ARHGEF28: variants seen among roughly 807,000 people sequenced by gnomAD.
The protein encoded by ARHGEF28 is 190 kDa guanine nucleotide exchange factor.
Under a neutral mutation model 206.6 loss-of-function variants are expected in ARHGEF28, and 152 were observed. The observed-to-expected ratio is 0.74, with a 90% CI of 0.64 to 0.84. The LOEUF (loss-of-function observed/expected upper bound fraction) is 0.84, where lower values mean the gene tolerates loss of function less well. ARHGEF28 is among the 40% of genes least tolerant of loss of function. The pLI is 0.00. For missense variants in ARHGEF28, 2,028 were observed against 2,073.2 expected (o/e 0.98, Z 0.42); for synonymous variants, 763 against 776.4 (o/e 0.98, Z 0.29).
Position 73,696,313 on chromosome 5 carries a change from G to A in ARHGEF28, c.33+11429G>A, listed in dbSNP as rs188908746. Among the ~76,000 whole-genome samples, 3 of 152,268 alleles carry A rather than the reference G, an allele frequency of 2.0e-5. No homozygotes were observed. The East Asian group carries it at 5.8e-4, about 29-fold the overall frequency. On this transcript the variant is annotated intron_variant, in intron 2 of 35. Transcript: ENST00000513042. ...ACTGCAGAAACCCTTTACGCCATAA[G>A]CTCCAGCCATACCCTTCTGCTCTCA... is the stretch of plus-strand genomic sequence containing the variant.
intron 18 of ARHGEF28, among the ~76,000 whole-genome samples, chr5:73,867,114 T>G (rs1283064397): frequency 6.6e-6 from 1 of 152,198 alleles, no homozygotes; most frequent in Non-Finnish European, 1.5e-5. Flanking sequence ...TTAGAATTGA[T>G]GAAATACCAC....
chr5:73,856,010 C>G (rs1759008859), intron 14 of ARHGEF28, among the ~76,000 whole-genome samples: 1 of 152,190 alleles, frequency 6.6e-6, no homozygotes, highest in African/African-American at 2.4e-5. Context: ...GTCTCCTCAT[C>G]ACTCTTCTCT....
chr5:73,900,957 G>C (rs896087923), intron 30 of ARHGEF28: 1 of 426,438 alleles, frequency 2.3e-6, no homozygotes, highest in East Asian at 4.3e-5. Context: ...GTGATACTTT[G>C]TGCGGTTCGT....
At chr5:73,732,824 G>T (rs1319713849) in intron 2 of ARHGEF28, among the ~76,000 whole-genome samples, 3 of 152,070 alleles carry the variant, frequency 2.0e-5, no homozygotes, top group African/African-American at 7.2e-5. Context: ...GTATATGAAA[G>T]CATAGCGGAA....
intron 2 of ARHGEF28, among the ~76,000 whole-genome samples, chr5:73,729,349 G>A (rs1580535354): frequency 6.6e-6 from 1 of 152,180 alleles, no homozygotes; most frequent in East Asian, 1.9e-4. Flanking sequence ...CTAATCATGA[G>A]GATGACCATG....
At chr5:73,776,475 T>A in intron 5 of ARHGEF28, 41 bp from the exon 6 acceptor site, 1 of 1,544,314 alleles carries the variant, frequency 6.5e-7, no homozygotes, top group Non-Finnish European at 8.8e-7. Flanking sequence ...GGGGCTGGTG[T>A]CTTTGAAGCT....
rs141739655 is a variant in ARHGEF28 at position 73,786,945 on chromosome 5, C to T, written c.910+6200C>T. Reference sequence around the variant, plus strand: ...ACATTCTGTAGACAAGGGTGCAGCACTTCCCTCTGTGATTTGGTTTGTGAA... The same window carrying T: ...ACATTCTGTAGACAAGGGTGCAGCATTTCCCTCTGTGATTTGGTTTGTGAA... On this transcript the variant is annotated intron_variant, in intron 7 of 35. Transcript: ENST00000513042. Among the ~76,000 whole-genome samples the T allele has an allele frequency of 9.6e-4, 147 of 152,342 alleles. 1 individual carries two copies. Among genetic ancestry groups the T allele is most frequent in the African/African-American group, 3.5e-3 (145 of 41,564 alleles).
chr5:73,664,246 TTTTG>T (rs1263859597), intron 1 of ARHGEF28, among the ~76,000 whole-genome samples: 2 of 152,228 alleles, frequency 1.3e-5, no homozygotes, highest in African/African-American at 4.8e-5. Context: ...TTTTCAGTTC[TTTTG>T]TTTGTTTGCT....
chr5:73,857,853 C>T, intron 15 of ARHGEF28, 74 bp downstream of exon 15: 1 of 1,495,616 alleles, frequency 6.7e-7, no homozygotes, highest in African/African-American at 1.4e-5. Context: ...ATAATTTCCA[C>T]TTTCCCTTTG....
intron 9 of ARHGEF28, among the ~76,000 whole-genome samples, chr5:73,826,770 A>G (rs1756937347): frequency 6.6e-6 from 1 of 152,080 alleles, no homozygotes; most frequent in Non-Finnish European, 1.5e-5. Context: ...CTATGGGTGG[A>G]ATCTATTTAC....
At chr5:73,759,251 C>G (rs1752477009) in intron 4 of ARHGEF28, among the ~76,000 whole-genome samples, 1 of 152,160 alleles carries the variant, frequency 6.6e-6, no homozygotes, top group South Asian at 2.1e-4. Flanking sequence ...CAGATTTAAA[C>G]TTGAATCCAG....
At chr5:73,907,549 G>A (rs1762625812) in intron 33 of ARHGEF28, among the ~76,000 whole-genome samples, 1 of 152,172 alleles carries the variant, frequency 6.6e-6, no homozygotes, top group Admixed American at 6.5e-5. Context: ...TTTGAATCAG[G>A]TGGAATGAAA....
At chr5:73,933,036 T>A (rs1234564426) in intron 35 of ARHGEF28, among the ~76,000 whole-genome samples, 1 of 152,008 alleles carries the variant, frequency 6.6e-6, no homozygotes, top group East Asian at 1.9e-4. Context: ...GGTCTCGATC[T>A]CCTGACCTCG....
In ARHGEF28 at chr5:73,941,871, A is replaced by G. The variant is rs954892791; in HGVS notation, c.*858A>G. On this transcript the variant is annotated 3_prime_UTR_variant, in exon 36 of 36. Coordinates refer to ENST00000513042, the MANE Select transcript of ARHGEF28 (RefSeq NM_001177693.2). Reference sequence around the variant, plus strand: ...CCTGGATACACTTTTCCACAAAGGAAAACTGGCATATCCTGCCTTCCGAGT... The same window carrying G: ...CCTGGATACACTTTTCCACAAAGGAGAACTGGCATATCCTGCCTTCCGAGT... 1 of 152,186 alleles carries G rather than the reference A, an allele frequency of 6.6e-6. No homozygotes were observed. Among genetic ancestry groups the G allele is most frequent in the East Asian group, 1.9e-4 (1 of 5,196 alleles). The allele number at this position is 152,186 out of a possible 1,614,324, so 9.4% of individuals were successfully genotyped here.
rs545536493 is a variant in ARHGEF28 at position 73,790,644 on chromosome 5, G to T, written c.911-3758G>T. 6.3e-4 allele frequency among the ~76,000 whole-genome samples: 94 copies of T among 150,310 alleles called. 1 individual carries two copies. The South Asian group carries it at 0.019, about 30-fold the overall frequency. On this transcript the variant is annotated intron_variant, in intron 7 of 35. Coordinates refer to ENST00000513042, the MANE Select transcript of ARHGEF28 (RefSeq NM_001177693.2). ...CCCAGTCCATATTTATACCGAGCAG[G>T]CAAAATGAAAGTTCTTATTAGTAGT...
intron 26 of ARHGEF28, 44 bp downstream of exon 26, chr5:73,887,723 C>T: frequency 6.9e-7 from 1 of 1,449,468 alleles, no homozygotes; most frequent in African/African-American, 1.4e-5. Flanking sequence ...TAGGTTTAAC[C>T]ACACATTTTC....
At chr5:73,780,565 A>G (rs1753782746) in intron 6 of ARHGEF28, 111 bp from the exon 7 acceptor site, 12 of 1,143,066 alleles carry the variant, frequency 1.0e-5, no homozygotes, top group South Asian at 4.5e-5. Flanking sequence ...CTATTTCCCA[A>G]CCTCCTAGCT....
In ARHGEF28 at chr5:73,929,819, C is replaced by T. The variant is rs368640679; in HGVS notation, c.4949-11025C>T. On this transcript the variant is annotated intron_variant, in intron 35 of 35. Transcript: ENST00000513042. ...TTTCCACAGTATGTGTCTGTGTTAC[C>T]GCTACATTTTTATAATGCTACATAT... Among the ~76,000 whole-genome samples, 12 of 151,992 alleles carry T rather than the reference C, an allele frequency of 7.9e-5. No homozygotes were observed. In the East Asian group the frequency reaches 1.3e-3, roughly 17 times the overall value.
At chr5:73,649,729 AGT>A (rs1238436413) in intron 1 of ARHGEF28, among the ~76,000 whole-genome samples, 23 of 152,216 alleles carry the variant, frequency 1.5e-4, no homozygotes, top group Admixed American at 1.5e-3. Context: ...ATCAGAAGGG[AGT>A]GTGTGCTTGC....
Sources: allele counts gnomAD v4.1 joint callset (sites outside exome capture counted in the v4.1 genomes callset), GRCh38; gene constraint gnomAD v4.1.1; transcripts MANE v1.5; gene names NCBI Gene and HGNC (gene_info 2026-07-23, HGNC 2026-07-21).